MLIP: variants seen among roughly 807,000 people sequenced by gnomAD.
The protein encoded by MLIP is muscular LMNA interacting protein.
In MLIP, 79 loss-of-function variants were observed where a neutral mutation model predicts 84.8. The ratio of observed to expected loss-of-function variants is 0.93; its 90% CI spans 0.78 to 1.12. The LOEUF (loss-of-function observed/expected upper bound fraction) is 1.12. MLIP is among the 50% of genes most tolerant of loss of function. The pLI is 0.00. For synonymous variants in MLIP, 504 were observed against 463.0 expected, an observed-to-expected ratio of 1.09 and a Z score of -1.14; for missense variants, 1,257 against 1,160.6, an observed-to-expected ratio of 1.08 and a Z score of -1.21.
intron 7 of MLIP, 68 bp downstream of exon 7, chr6:54,160,667 A>G (rs937761556): frequency 2.7e-6 from 4 of 1,497,222 alleles, no homozygotes; most frequent in African/African-American, 2.8e-5. Context: ...CCTCTACTTT[A>G]GTATGATGCC....
chr6:54,075,139 C>T (rs1292459664), intron 1 of MLIP, among the ~76,000 whole-genome samples: 7 of 147,718 alleles, frequency 4.7e-5, no homozygotes, highest in African/African-American at 7.5e-5. Flanking sequence ...CCCAGCTACT[C>T]GGGAGGATGA....
chr6:54,227,042 T>C (rs1006843294), intron 11 of MLIP, among the ~76,000 whole-genome samples: 1 of 152,150 alleles, frequency 6.6e-6, no homozygotes, highest in Admixed American at 6.5e-5. Context: ...GATTAGATCA[T>C]GGGGGCAGAT....
At chr6:54,158,172 C>T (rs1223309944) in intron 5 of MLIP, among the ~76,000 whole-genome samples, 2 of 152,020 alleles carry the variant, frequency 1.3e-5, no homozygotes, top group African/African-American at 4.8e-5. Context: ...TTTTGATGAG[C>T]AATGGATTCC....
At chr6:54,080,580 A>AT (rs1277859047) in intron 1 of MLIP, among the ~76,000 whole-genome samples, 2 of 151,790 alleles carry the variant, frequency 1.3e-5, no homozygotes, top group Non-Finnish European at 2.9e-5. Flanking sequence ...ATAGTTTTGC[A>AT]TTTGCATATA....
At chr6:54,049,384 C>T (rs1765251024) in intron 1 of MLIP, among the ~76,000 whole-genome samples, 1 of 152,154 alleles carries the variant, frequency 6.6e-6, no homozygotes, top group Non-Finnish European at 1.5e-5. Flanking sequence ...TCTGCTGGGT[C>T]AGTGCTCTAG....
intron 1 of MLIP, among the ~76,000 whole-genome samples, chr6:54,054,173 C>T (rs1006820010): frequency 6.6e-5 from 10 of 152,136 alleles, no homozygotes; most frequent in African/African-American, 1.9e-4. Context: ...CTGAAAGACT[C>T]CTTTTCTTAT....
intron 4 of MLIP, among the ~76,000 whole-genome samples, chr6:54,141,402 G>T (rs964819236): frequency 1.3e-5 from 2 of 149,366 alleles, no homozygotes; most frequent in African/African-American, 5.0e-5. Flanking sequence ...TGCCTCCTGG[G>T]TTCAAATGAT....
intron 10 of MLIP, among the ~76,000 whole-genome samples, chr6:54,197,311 G>A (rs1337235396): frequency 6.6e-6 from 1 of 151,974 alleles, no homozygotes; most frequent in Non-Finnish European, 1.5e-5. Flanking sequence ...TTATACTGTG[G>A]TTATCTTATG....
intron 8 of MLIP, among the ~76,000 whole-genome samples, chr6:54,163,621 A>G (rs1015258351): frequency 6.6e-6 from 1 of 151,986 alleles, no homozygotes; most frequent in Non-Finnish European, 1.5e-5. Context: ...TGTAAGTACT[A>G]TAGCACTTTT....
intron 1 of MLIP, among the ~76,000 whole-genome samples, chr6:54,117,211 C>CTTTTTTTT (rs200691416): frequency 8.5e-6 from 1 of 117,830 alleles, no homozygotes; most frequent in Non-Finnish European, 1.7e-5. Context: ...CTATTTCTGT[C>CTTTTTTTT]TTTTTTTTTT....
intron 9 of MLIP, among the ~76,000 whole-genome samples, chr6:54,175,205 C>G (rs1776165491): frequency 6.6e-6 from 1 of 151,768 alleles, no homozygotes; most frequent in African/African-American, 2.4e-5. Context: ...GTTCCTTTTT[C>G]TCGGGATAGC....
intron 11 of MLIP, among the ~76,000 whole-genome samples, chr6:54,225,316 T>TA (rs1283397863): frequency 6.6e-6 from 1 of 152,170 alleles, no homozygotes; most frequent in East Asian, 1.9e-4. Context: ...TACAAACCTG[T>TA]ACAGCACAGT....
chr6:54,183,743 GTT>G (rs3996970), intron 9 of MLIP, among the ~76,000 whole-genome samples: 9 of 116,730 alleles, frequency 7.7e-5, no homozygotes, highest in South Asian at 3.0e-4. Context: ...GACAGGGTAA[GTT>G]TTTTTTTTTT....
At chr6:54,143,593 C>A (rs1361990126) in intron 4 of MLIP, among the ~76,000 whole-genome samples, 1 of 152,096 alleles carries the variant, frequency 6.6e-6, no homozygotes, top group African/African-American at 2.4e-5. Context: ...GATAATGCAG[C>A]AAATGTTACA....
chr6:54,230,422 G>A (rs1189164896), intron 11 of MLIP, among the ~76,000 whole-genome samples: 3 of 152,084 alleles, frequency 2.0e-5, no homozygotes, highest in Non-Finnish European at 2.9e-5. Flanking sequence ...CTTCCTTACA[G>A]ATATCTCCCC....
In MLIP at chr6:54,038,952, C is replaced by T. The variant is rs117654767; in HGVS notation, c.63+19861C>T. ...CTAGCAAAAATTTTGAGCACATTCT[C>T]GCCAAAGACATCATATAATTTAATA... On this transcript the variant is annotated intron_variant, in intron 1 of 12. Transcript: ENST00000274897. Among the ~76,000 whole-genome samples the T allele has an allele frequency of 2.6e-4, 39 of 151,956 alleles. No homozygotes were observed. The East Asian group carries it at 6.9e-3, about 27-fold the overall frequency.
At chr6:54,152,867 A>AGAAT (rs5876362) in intron 5 of MLIP, among the ~76,000 whole-genome samples, 67,442 of 151,558 alleles carry the variant, frequency 0.44, 16,686 homozygotes, top group African/African-American at 0.67. Context: ...AAAGGAGGAG[A>AGAAT]GAATGAAGAA....
intron 1 of MLIP, among the ~76,000 whole-genome samples, chr6:54,041,931 A>C (rs762161536): frequency 9.9e-5 from 15 of 152,068 alleles, no homozygotes; most frequent in Non-Finnish European, 1.6e-4. Context: ...ATGTCCTCAT[A>C]TATGTTCACA....
chr6:54,265,685 G>A (rs918721069), intron 13 of MLIP, among the ~76,000 whole-genome samples: 1 of 152,020 alleles, frequency 6.6e-6, no homozygotes, highest in Non-Finnish European at 1.5e-5. Context: ...AACCATCATG[G>A]CACTTTGTAG....
Sources: allele counts gnomAD v4.1 joint callset (sites outside exome capture counted in the v4.1 genomes callset), GRCh38; gene constraint gnomAD v4.1.1; transcripts MANE v1.5; gene names NCBI Gene and HGNC (gene_info 2026-07-23, HGNC 2026-07-21).